The following RAB3GAP2 variants were observed in gnomAD, a reference collection of about 807,000 sequenced individuals.
The protein encoded by RAB3GAP2 is rab3 GTPase-activating protein non-catalytic subunit.
RAB3GAP2 carries 87 observed loss-of-function variants against 185.3 expected under a neutral mutation model. The ratio of observed to expected loss-of-function variants is 0.47; its 90% CI spans 0.39 to 0.56. RAB3GAP2 has a LOEUF of 0.56. RAB3GAP2 is among the 20% of genes least tolerant of loss of function. The probability of loss-of-function intolerance (pLI) is 0.00; values close to 1 mark genes in which losing one functional copy is unlikely to be tolerated. For synonymous variants in RAB3GAP2, 554 were observed against 576.1 expected (o/e 0.96, Z 0.55); for missense variants, 1,492 against 1,638.2 (o/e 0.91, Z 1.54).
At chr1:220,222,932 G>A (rs1336686619) in intron 2 of RAB3GAP2, among the ~76,000 whole-genome samples, 1 of 152,036 alleles carries the variant, frequency 6.6e-6, no homozygotes, top group Admixed American at 6.6e-5. Context: ...ATAAACATGT[G>A]TCAAATGTAT....
Position 220,149,590 on chromosome 1 carries a change from T to C in RAB3GAP2, c.*1661A>G, listed in dbSNP as rs1416150639. ...GTGACTGTTAACACAGAGCCAGATATGTTTACAAGAATTCTAGGATGTGTG... is the reference window on the plus strand; with the variant it reads ...GTGACTGTTAACACAGAGCCAGATACGTTTACAAGAATTCTAGGATGTGTG... On this transcript the variant is annotated 3_prime_UTR_variant, in exon 35 of 35. Transcript: ENST00000358951. 2 of 152,160 alleles carry C rather than the reference T, an allele frequency of 1.3e-5. No homozygotes were observed. The highest frequency in any genetic ancestry group is 1.9e-4 in the East Asian group (1 of 5,194). The allele number at this position is 152,160 out of a possible 1,614,324, so 9.4% of individuals were successfully genotyped here. A position where few individuals can be genotyped will look rare whatever the true frequency, so the allele number is the denominator to read the frequency against.
intron 7 of RAB3GAP2, among the ~76,000 whole-genome samples, chr1:220,206,428 C>T (rs568866684): frequency 6.6e-6 from 1 of 152,302 alleles, no homozygotes; most frequent in Middle Eastern, 3.4e-3. Context: ...ATGTTTTTTA[C>T]TACTCAATAG....
chr1:220,173,925 C>A (rs1282128064), intron 21 of RAB3GAP2, among the ~76,000 whole-genome samples: 2 of 148,900 alleles, frequency 1.3e-5, no homozygotes, highest in Non-Finnish European at 3.0e-5. Context: ...GAGGCTGAGG[C>A]AGGAGAATCA....
In RAB3GAP2 at chr1:220,231,745, G is replaced by C. The variant is rs184689299; in HGVS notation, c.180+1054C>G. On this transcript the variant is annotated intron_variant, in intron 2 of 34. Coordinates refer to ENST00000358951, the MANE Select transcript of RAB3GAP2 (RefSeq NM_012414.4). ...AAGTTTGCTAGAGACGTCTAAGAAA[G>C]TAGCTCCCTAACTCCTGAAAGAGTC... Among the ~76,000 whole-genome samples the C allele has an allele frequency of 2.0e-3, 311 of 152,302 alleles. 1 individual carries two copies. The highest frequency in any genetic ancestry group is 7.0e-3 in the African/African-American group (292 of 41,576).
At position 220,190,156 on chromosome 1, in the gene RAB3GAP2, T is replaced by A; in HGVS notation, c.1632-10A>T. Reference sequence around the variant, plus strand: ...TTCACTCTTCTTATCACTAAACCAATAAATATAACAAATTATTACAGAATG... The same window carrying A: ...TTCACTCTTCTTATCACTAAACCAAAAAATATAACAAATTATTACAGAATG... On this transcript the variant is annotated splice_polypyrimidine_tract_variant and intron_variant, in intron 15 of 34. Transcript: ENST00000358951. The A allele has an allele frequency of 6.3e-7, 1 of 1,599,902 alleles. No homozygotes were observed. Among genetic ancestry groups the A allele is most frequent in the Non-Finnish European group, 8.6e-7 (1 of 1,167,292 alleles).
chr1:220,164,483 T>TG (rs1658028684), intron 27 of RAB3GAP2, among the ~76,000 whole-genome samples: 1 of 148,134 alleles, frequency 6.8e-6, no homozygotes, highest in Non-Finnish European at 1.5e-5. Flanking sequence ...GTTTTTTTTT[T>TG]TTTTTTTTTA....
chr1:220,262,626 G>A (rs2102533482), intron 1 of RAB3GAP2, among the ~76,000 whole-genome samples: 1 of 152,316 alleles, frequency 6.6e-6, no homozygotes, highest in South Asian at 2.1e-4. Context: ...GTTCATTCAT[G>A]TTATAGCATG....
intron 1 of RAB3GAP2, among the ~76,000 whole-genome samples, chr1:220,240,833 C>T (rs1035489033): frequency 6.6e-6 from 1 of 151,908 alleles, no homozygotes; most frequent in African/African-American, 2.4e-5. Flanking sequence ...GGTAACATAA[C>T]CATAAACTCC....
In RAB3GAP2 at chr1:220,154,175, G is replaced by C. The variant is rs928757367; in HGVS notation, c.3556-118C>G. 2.9e-6 allele frequency: 4 copies of C among 1,398,622 alleles called. No individual in the cohort carries two copies. The Admixed American group carries it at 7.0e-5, about 24-fold the overall frequency. 86.6% of individuals were successfully genotyped at this position (1,398,622 alleles called of 1,614,324 possible). ...GTTGATTTTTATTTCTCCTTGAACA[G>C]TAAGATTTTAGAATAATTTTTATAA... On this transcript the variant is annotated intron_variant, in intron 31 of 34. Coordinates refer to ENST00000358951, the MANE Select transcript of RAB3GAP2 (RefSeq NM_012414.4).
chr1:220,218,469 C>G (rs1418803248), intron 2 of RAB3GAP2, among the ~76,000 whole-genome samples: 2 of 152,150 alleles, frequency 1.3e-5, no homozygotes, highest in East Asian at 3.9e-4. Context: ...TCACATCATT[C>G]TGAGCAAACT....
At chr1:220,163,136 C>G (rs753097699) in intron 27 of RAB3GAP2, among the ~76,000 whole-genome samples, 46 of 152,226 alleles carry the variant, frequency 3.0e-4, no homozygotes, top group Non-Finnish European at 5.3e-4. Context: ...GACCCTGTCA[C>G]TACTCATTGA....
rs527651244 is a variant in RAB3GAP2 at position 220,242,576 on chromosome 1, C to T, written c.116-9713G>A. Among the ~76,000 whole-genome samples, 21 of 151,420 alleles carry T rather than the reference C, an allele frequency of 1.4e-4. No homozygotes were observed. In the South Asian group the frequency reaches 4.0e-3, roughly 29 times the overall value. The stretch of plus-strand genomic sequence containing the variant: ...TCTTTCACAGCTCCGTATTATACCA[C>T]TGTGTCAATGTAGCATAACTTAATC... On this transcript the variant is annotated intron_variant, in intron 1 of 34. Transcript: ENST00000358951.
chr1:220,209,003 C>T (rs1429908112), intron 7 of RAB3GAP2, among the ~76,000 whole-genome samples: 4 of 152,188 alleles, frequency 2.6e-5, no homozygotes, highest in Admixed American at 6.5e-5. Context: ...AGGTGTCAGC[C>T]ACCGTGCCCG....
rs1358973733 is a variant in RAB3GAP2, at chr1:220,184,172, C to G, written c.1871-9G>C. ...ATCAACAGACTCAAGTTCTAAAAGG[C>G]AGAAGGAAAAGTATATATAAGAGAT... On this transcript the variant is annotated splice_polypyrimidine_tract_variant and intron_variant, in intron 18 of 34. Coordinates refer to ENST00000358951, the MANE Select transcript of RAB3GAP2 (RefSeq NM_012414.4). 6.2e-7 allele frequency: 1 copy of G among 1,606,392 alleles called. No homozygotes were observed. The highest frequency in any genetic ancestry group is 1.7e-5 in the Admixed American group (1 of 59,914).
intron 1 of RAB3GAP2, among the ~76,000 whole-genome samples, chr1:220,236,902 GGT>G (rs1436462626): frequency 6.6e-6 from 1 of 152,044 alleles, no homozygotes; most frequent in Non-Finnish European, 1.5e-5. Context: ...TACTGTTTTA[GGT>G]TAATATGGAA....
rs75583455 is a variant in RAB3GAP2, at chr1:220,193,445, C to T, written c.1131-66G>A. On this transcript the variant is annotated intron_variant, in intron 12 of 34. Coordinates refer to ENST00000358951, the MANE Select transcript of RAB3GAP2 (RefSeq NM_012414.4). ...AGTTCAGAAACATATAACAGAATAA[C>T]GAAATGCATAAATGAAATAGGCTGA... The T allele has an allele frequency of 7.7e-4, 1,135 of 1,476,412 alleles. 5 individuals carry two copies. In the East Asian group the frequency reaches 0.018, roughly 23 times the overall value. 91.5% of individuals were successfully genotyped at this position (1,476,412 alleles called of 1,614,324 possible).
At chr1:220,255,096 C>T (rs1339163961) in intron 1 of RAB3GAP2, among the ~76,000 whole-genome samples, 4 of 151,424 alleles carry the variant, frequency 2.6e-5, no homozygotes, top group East Asian at 3.9e-4. Flanking sequence ...GTCTAATGCA[C>T]GTTTTAACAT....
intron 9 of RAB3GAP2, among the ~76,000 whole-genome samples, chr1:220,200,877 TG>T (rs983146645): frequency 6.6e-6 from 1 of 152,148 alleles, no homozygotes; most frequent in African/African-American, 2.4e-5. Context: ...TTGCATAGAA[TG>T]AGTAGAACTT....
chr1:220,211,434 C>G, intron 4 of RAB3GAP2: 1 of 458,706 alleles, frequency 2.2e-6, no homozygotes, highest in Non-Finnish European at 4.4e-6. Context: ...GGTTGAGGAA[C>G]TGCCAGTCAC....
Sources: gnomAD v4.1 joint callset for allele counts (sites outside exome capture counted in the v4.1 genomes callset) on GRCh38, gnomAD v4.1.1 for gene constraint, MANE v1.5 for transcripts, NCBI Gene and HGNC (gene_info 2026-07-23, HGNC 2026-07-21) for gene names.